The following DMD variants were observed in gnomAD, a reference collection of about 807,000 sequenced individuals.
The protein encoded by DMD is mutant dystrophin.
Under a neutral mutation model 330.1 loss-of-function variants are expected in DMD, and 63 were observed. The observed-to-expected ratio is 0.19, with a 90% CI of 0.16 to 0.24. The LOEUF is 0.24. DMD is among the 10% of genes least tolerant of loss of function. The probability of loss-of-function intolerance (pLI) is 1.00; values close to 1 mark genes in which losing one functional copy is unlikely to be tolerated. For missense variants in DMD, 3,344 were observed against 2,684.1 expected, an observed-to-expected ratio of 1.25 and a Z score of -5.43; for synonymous variants, 1,223 against 959.8, an observed-to-expected ratio of 1.27 and a Z score of -5.07.
At chrX:31,333,090 A>T (rs2057222919) in intron 61 of DMD, among the ~76,000 whole-genome samples, 1 of 111,803 alleles carries the variant, frequency 8.9e-6, no homozygotes, top group Admixed American at 9.5e-5. Flanking sequence ...AGAGTAATAA[A>T]ACATGAACGG....
chrX:33,027,692 G>A (rs1162156531), intron 1 of DMD, among the ~76,000 whole-genome samples: 1 of 108,603 alleles, frequency 9.2e-6, no homozygotes, highest in East Asian at 3.0e-4. Flanking sequence ...CAAATATACA[G>A]ATAAGTTGCC....
In DMD at chrX:32,160,454, C is replaced by T. The variant is rs769783096; in HGVS notation, c.6438+56462G>A. On this transcript the variant is annotated intron_variant, in intron 44 of 78. Coordinates refer to ENST00000357033, the MANE Select transcript of DMD (RefSeq NM_004006.3). ...TTTACCACGTTGGCCAGGCTGGTCT[C>T]GAACTCCTGACCTCAGGTGATCCGC... Among the ~76,000 whole-genome samples the T allele has an allele frequency of 3.9e-3, 433 of 109,905 alleles. 5 individuals carry two copies. Among genetic ancestry groups the T allele is most frequent in the African/African-American group, 0.014 (416 of 30,176 alleles).
intron 2 of DMD, among the ~76,000 whole-genome samples, chrX:32,903,121 G>A (rs1314411322): frequency 1.2e-5 from 1 of 83,570 alleles, no homozygotes; most frequent in Non-Finnish European, 2.2e-5. Context: ...GCCCAGCCTG[G>A]GCGACAGAGT....
Position 31,875,304 on chromosome X carries a change from T to C in DMD, c.6982A>G (p.Lys2328Glu), listed in dbSNP as rs754896795. The stretch of plus-strand genomic sequence containing the variant: ...TGCTCTTCAAGGTCTTCAAGCTTTT[T>C]TTCAAGCTGCCCAAGGTCTTTTATT... ...AQIKDLGQLE[K>E]KLEDLEEQLN... Residue 2328 changes from lysine to glutamate, a missense_variant, in exon 48 of 79, where the codon AAA (lysine) becomes GAA (glutamate). Physicochemically the swap from Lys to Glu is moderately conservative, Grantham distance 56 (BLOSUM62 1). Transcript: ENST00000357033. 3 of 1,207,720 alleles carry C rather than the reference T, an allele frequency of 2.5e-6. No individual in the cohort carries two copies. Among genetic ancestry groups the C allele is most frequent in the African/African-American group, 3.5e-5 (2 of 57,100 alleles).
intron 56 of DMD, among the ~76,000 whole-genome samples, chrX:31,502,099 C>G (rs771382230): frequency 9.0e-6 from 1 of 111,396 alleles, no homozygotes; most frequent in South Asian, 3.7e-4. Context: ...CTATCTCTCA[C>G]CATATACAAA....
intron 74 of DMD, among the ~76,000 whole-genome samples, chrX:31,165,845 G>A (rs1164341956): frequency 9.0e-6 from 1 of 111,525 alleles, no homozygotes; most frequent in African/African-American, 3.3e-5. Context: ...GGCACTATGG[G>A]AAAAACTCAG....
At chrX:32,418,170 G>A (rs760889050) in intron 29 of DMD, among the ~76,000 whole-genome samples, 2 of 111,280 alleles carry the variant, frequency 1.8e-5, no homozygotes, top group East Asian at 5.7e-4. Context: ...TATTCATGGC[G>A]CCATCTACCT....
intron 62 of DMD, among the ~76,000 whole-genome samples, chrX:31,275,894 T>A (rs1031811935): frequency 3.6e-5 from 4 of 112,156 alleles, no homozygotes; most frequent in Admixed American, 9.5e-5. Flanking sequence ...GATTCATATT[T>A]GTGTATATAC....
At chrX:31,406,522 G>T (rs762225221) in intron 60 of DMD, among the ~76,000 whole-genome samples, 9 of 111,435 alleles carry the variant, frequency 8.1e-5, no homozygotes, top group Non-Finnish European at 1.7e-4. Context: ...TGGAATTGGT[G>T]TTCCAGGTAG....
chrX:31,224,897 A>G (rs1351103094), intron 63 of DMD, among the ~76,000 whole-genome samples: 1 of 112,267 alleles, frequency 8.9e-6, no homozygotes, highest in Non-Finnish European at 1.9e-5. Context: ...AAAACAGTAC[A>G]TACTGTTTGA....
chrX:33,005,988 A>G (rs1332403473), intron 2 of DMD, among the ~76,000 whole-genome samples: 1 of 111,569 alleles, frequency 9.0e-6, no homozygotes, highest in Admixed American at 9.6e-5. Context: ...TGTAAAACAC[A>G]AAGCCATTTC....
chrX:31,639,587 C>T (rs370818408), intron 54 of DMD, among the ~76,000 whole-genome samples: 1 of 111,830 alleles, frequency 8.9e-6, no homozygotes, highest in East Asian at 2.8e-4. Flanking sequence ...GTATTTGAGT[C>T]TCCATACAAC....
At chrX:31,549,668 CTA>C (rs2074363245) in intron 55 of DMD, among the ~76,000 whole-genome samples, 1 of 112,244 alleles carries the variant, frequency 8.9e-6, no homozygotes, top group African/African-American at 3.2e-5. Flanking sequence ...TCTGAATATC[CTA>C]TGTTGTCACA....
intron 53 of DMD, among the ~76,000 whole-genome samples, chrX:31,666,231 A>G (rs769505388): frequency 8.9e-6 from 1 of 111,836 alleles, no homozygotes; most frequent in Non-Finnish European, 1.9e-5. Flanking sequence ...TTCACGCCAG[A>G]AGATTATACA....
intron 60 of DMD, among the ~76,000 whole-genome samples, chrX:31,380,543 C>T (rs1445672186): frequency 9.0e-6 from 1 of 111,367 alleles, no homozygotes; most frequent in Non-Finnish European, 1.9e-5. Context: ...CACTCGCCTG[C>T]TACAGCATGG....
intron 53 of DMD, among the ~76,000 whole-genome samples, chrX:31,665,507 C>T (rs1218606429): frequency 9.0e-6 from 1 of 111,016 alleles, no homozygotes; most frequent in East Asian, 2.8e-4. Flanking sequence ...AAAGTAAAGC[C>T]TCTCACCATT....
chrX:32,335,540 A>G (rs1049101401), intron 41 of DMD, among the ~76,000 whole-genome samples: 1 of 100,983 alleles, frequency 9.9e-6, no homozygotes, highest in Admixed American at 1.2e-4. Context: ...AAAACATGTT[A>G]TATATAACGT....
intron 62 of DMD, among the ~76,000 whole-genome samples, chrX:31,304,630 T>C (rs759237327): frequency 1.6e-3 from 175 of 108,232 alleles, no homozygotes; most frequent in African/African-American, 5.6e-3. Context: ...TAATATAAAA[T>C]ATAAAATTTA....
chrX:31,172,375 T>C lies in DMD; in HGVS notation c.10367A>G (p.Asn3456Ser), dbSNP rs760285922. The change falls in exon 73 of 79, where the codon AAT (asparagine) becomes AGT (serine). Residue 3456 changes from asparagine to serine, a missense_variant. Coordinates refer to ENST00000357033, the MANE Select transcript of DMD (RefSeq NM_004006.3). ...GCTCTCATTAGGAGAGATGCTATCA[T>C]TTAGATAAGATCCATTGCTGTTTTC... is the stretch of plus-strand genomic sequence containing the variant. ...EMENSNGSYL[N>S]DSISPNESID... 4 of 1,200,591 alleles carry C rather than the reference T, an allele frequency of 3.3e-6. No individual in the cohort carries two copies. In the South Asian group the frequency reaches 7.1e-5, roughly 21 times the overall value.
Sources: gnomAD v4.1 joint callset for allele counts (sites outside exome capture counted in the v4.1 genomes callset) on GRCh38, gnomAD v4.1.1 for gene constraint, MANE v1.5 for transcripts, NCBI Gene and HGNC (gene_info 2026-07-23, HGNC 2026-07-21) for gene names.